Variants in DLG1 observed in about 807,000 individuals in gnomAD.
DLG1 encodes the protein discs large MAGUK scaffold protein 1.
A neutral mutation model predicts 123.4 loss-of-function variants in DLG1; 42 were observed. That is an observed-to-expected ratio of 0.34 (90% CI 0.27 to 0.44). The LOEUF (loss-of-function observed/expected upper bound fraction) is 0.44, where lower values mean the gene tolerates loss of function less well. Ranked by LOEUF, DLG1 falls within the 20% of genes least tolerant of loss-of-function variation. DLG1 has a pLI of 1.00. For missense variants in DLG1, 942 were observed against 1,082.6 expected (o/e 0.87, Z 1.82); for synonymous variants, 317 against 356.2 (o/e 0.89, Z 1.24).
intron 24 of DLG1, among the ~76,000 whole-genome samples, chr3:197,044,967 T>C (rs1578003257): frequency 6.6e-6 from 1 of 152,194 alleles, no homozygotes; most frequent in Non-Finnish European, 1.5e-5. Flanking sequence ...ATCTTTTCTT[T>C]TGTTCTTTTA....
chr3:197,140,188 A>G lies in DLG1; in HGVS notation c.665T>C (p.Ile222Thr), dbSNP rs2149649548. 6.2e-7 allele frequency: 1 copy of G among 1,613,566 alleles called. No homozygotes were observed. Among genetic ancestry groups the G allele is most frequent in the East Asian group, 2.2e-5 (1 of 44,848 alleles). Residue 222 changes from isoleucine to threonine, a missense_variant, in exon 8 of 25, where the codon ATT becomes ACT. Coordinates refer to ENST00000667157, the MANE Select transcript of DLG1 (RefSeq NM_001366207.1). ...PHIGDDSSIF[I>T]TKIITGGAAA... ...TGCTCCCCCTGTGATAATTTTGGTAATGAAAATACTTGAGTCATCTCCAAT... is the reference window on the plus strand; with the variant it reads ...TGCTCCCCCTGTGATAATTTTGGTAGTGAAAATACTTGAGTCATCTCCAAT...
At chr3:197,268,089 G>A (rs191094900) in intron 4 of DLG1, among the ~76,000 whole-genome samples, 59 of 152,134 alleles carry the variant, frequency 3.9e-4, no homozygotes, top group Admixed American at 1.4e-3. Flanking sequence ...GTATCACTTT[G>A]GAAATCCAAA....
At chr3:197,265,977 G>C (rs1761504409) in intron 4 of DLG1, among the ~76,000 whole-genome samples, 1 of 152,174 alleles carries the variant, frequency 6.6e-6, no homozygotes, top group Non-Finnish European at 1.5e-5. Context: ...TTGAACCCAG[G>C]AAGCGGAGGT....
At position 197,144,545 on chromosome 3, in the gene DLG1, T is replaced by C. The variant is rs966471312; in HGVS notation, c.538-1777A>G. 5.3e-5 allele frequency among the ~76,000 whole-genome samples: 8 copies of C among 152,306 alleles called. 1 individual carries two copies. The highest frequency in any genetic ancestry group is 1.9e-4 in the African/African-American group (8 of 41,572). On this transcript the variant is annotated intron_variant, in intron 6 of 24. Transcript: ENST00000667157. ...TCTTTTAAGCCCCTAAGCTTCAGGGTAGTTTGTTATGCAATGATAGATAAC... is the reference window on the plus strand; with the variant it reads ...TCTTTTAAGCCCCTAAGCTTCAGGGCAGTTTGTTATGCAATGATAGATAAC...
At chr3:197,220,910 A>T (rs554504315) in intron 4 of DLG1, among the ~76,000 whole-genome samples, 1 of 152,238 alleles carries the variant, frequency 6.6e-6, no homozygotes, top group Non-Finnish European at 1.5e-5. Context: ...TGTGCTTTTA[A>T]TATCAAAAGG....
chr3:197,227,747 T>G (rs73088422), intron 4 of DLG1, among the ~76,000 whole-genome samples: 2,431 of 152,318 alleles, frequency 0.016, 68 homozygotes, highest in African/African-American at 0.054. Context: ...GTTCCATTCC[T>G]ACTTATGTAA....
intron 4 of DLG1, among the ~76,000 whole-genome samples, chr3:197,262,903 A>G (rs1253552828): frequency 6.6e-6 from 1 of 152,194 alleles, no homozygotes; most frequent in Non-Finnish European, 1.5e-5. Flanking sequence ...ATCATGGGCC[A>G]ACACATCCCT....
intron 5 of DLG1, among the ~76,000 whole-genome samples, chr3:197,186,523 G>C (rs1230877158): frequency 6.6e-6 from 1 of 152,100 alleles, no homozygotes; most frequent in South Asian, 2.1e-4. Flanking sequence ...AATAGAGAAA[G>C]CTTAAGTTAG....
intron 23 of DLG1, 72 bp from the exon 24 acceptor site, chr3:197,051,740 G>C: frequency 1.8e-6 from 2 of 1,116,592 alleles, no homozygotes; most frequent in South Asian, 2.8e-5. Context: ...GCAAAGGAGA[G>C]ATGACACATA....
chr3:197,295,804 GCAC>G (rs1261543235), intron 3 of DLG1, among the ~76,000 whole-genome samples: 1 of 152,150 alleles, frequency 6.6e-6, no homozygotes, highest in Non-Finnish European at 1.5e-5. Context: ...TTCAAACAAT[GCAC>G]CACTTCAAAT....
At chr3:197,128,083 A>G (rs1449028381) in intron 11 of DLG1, among the ~76,000 whole-genome samples, 1 of 152,166 alleles carries the variant, frequency 6.6e-6, no homozygotes, top group Non-Finnish European at 1.5e-5. Context: ...AGTTGGCCAT[A>G]TCCACTGACT....
At chr3:197,250,182 G>C (rs181891969) in intron 4 of DLG1, among the ~76,000 whole-genome samples, 181 of 152,274 alleles carry the variant, frequency 1.2e-3, no homozygotes, top group Admixed American at 3.2e-3. Flanking sequence ...AAAACTGTAA[G>C]AACTGATACA....
intron 4 of DLG1, among the ~76,000 whole-genome samples, chr3:197,257,020 A>G (rs338206): frequency 6.6e-6 from 1 of 152,190 alleles, no homozygotes; most frequent in Admixed American, 6.5e-5. Context: ...CAGTCAAACA[A>G]TCAGCCAACA....
At chr3:197,117,213 T>C (rs13323467) in intron 12 of DLG1, among the ~76,000 whole-genome samples, 2,617 of 152,098 alleles carry the variant, frequency 0.017, 24 homozygotes, top group Middle Eastern at 0.068. Context: ...TGTAAAGAAA[T>C]TGCAACTCAC....
chr3:197,080,266 CCTTTTTTT>C (rs1402766429), intron 17 of DLG1, among the ~76,000 whole-genome samples: 2 of 100,846 alleles, frequency 2.0e-5, no homozygotes, highest in African/African-American at 3.8e-5. Context: ...TGATATATTT[CCTTTTTTT>C]TTTTTTTTTT....
chr3:197,271,921 C>T (rs1345824780), intron 4 of DLG1, among the ~76,000 whole-genome samples: 1 of 152,118 alleles, frequency 6.6e-6, no homozygotes, highest in Admixed American at 6.5e-5. Context: ...AAAAACTGTA[C>T]CCAGAGGATA....
intron 12 of DLG1, among the ~76,000 whole-genome samples, chr3:197,118,594 T>C (rs1774568404): frequency 6.6e-6 from 1 of 152,226 alleles, no homozygotes; most frequent in South Asian, 2.1e-4. Flanking sequence ...CATTACTTAG[T>C]ACACATTTTA....
intron 4 of DLG1, among the ~76,000 whole-genome samples, chr3:197,268,859 T>C (rs1250628298): frequency 6.6e-6 from 1 of 151,672 alleles, no homozygotes. Context: ...TTTTTTTTAC[T>C]GTTTAAATAC....
rs533095130 is a variant in DLG1, at chr3:197,128,142, G to A, written c.1165+2385C>T. ...TGAAGCATGTGATGCTGGTTTGTTA[G>A]CATTTTACCCACAGTAGAACTTCTT... is the stretch of plus-strand genomic sequence containing the variant. On this transcript the variant is annotated intron_variant, in intron 11 of 24. Coordinates refer to ENST00000667157, the MANE Select transcript of DLG1 (RefSeq NM_001366207.1). Among the ~76,000 whole-genome samples, 36 of 152,282 alleles carry A rather than the reference G, an allele frequency of 2.4e-4. No homozygotes were observed. The East Asian group carries it at 6.6e-3, about 28-fold the overall frequency.
Sources: allele counts gnomAD v4.1 joint callset (sites outside exome capture counted in the v4.1 genomes callset), GRCh38; gene constraint gnomAD v4.1.1; transcripts MANE v1.5; gene names NCBI Gene and HGNC (gene_info 2026-07-23, HGNC 2026-07-21).